NLRP12: variants seen among roughly 807,000 people sequenced by gnomAD.
NLRP12 encodes the protein NLR family pyrin domain containing 12, also known as NACHT, LRR and PYD domains-containing protein 12.
In NLRP12, 108 loss-of-function variants were observed where a neutral mutation model predicts 91.2. That is an observed-to-expected ratio of 1.18 (90% confidence interval 1.01 to 1.39). NLRP12 has a LOEUF of 1.39. Among genes scored for constraint, NLRP12 ranks in the 40% most tolerant of loss-of-function variants. The probability of loss-of-function intolerance (pLI) is 0.00; values close to 1 mark genes in which losing one functional copy is unlikely to be tolerated. For synonymous variants in NLRP12, 613 were observed against 566.7 expected (o/e 1.08, Z -1.16); for missense variants, 1,530 against 1,352.7 (o/e 1.13, Z -2.06).
chr19:53,821,006 T>C (rs1568698788), intron 1 of NLRP12, among the ~76,000 whole-genome samples: 1 of 149,700 alleles, frequency 6.7e-6, no homozygotes, highest in Non-Finnish European at 1.5e-5. Context: ...CTTGAGCTTA[T>C]GCCTGAGTAT....
intron 4 of NLRP12, among the ~76,000 whole-genome samples, chr19:53,806,596 G>C (rs12971444): frequency 0.21 from 30,241 of 143,096 alleles, 3,500 homozygotes; most frequent in African/African-American, 0.33. Context: ...CAGGAGAATC[G>C]CTTGAACCCA....
At chr19:53,798,555 C>G (rs940877078) in intron 7 of NLRP12, 142 bp from the exon 8 acceptor site, 1 of 813,838 alleles carries the variant, frequency 1.2e-6, no homozygotes, top group Non-Finnish European at 2.0e-6. Context: ...AAGAAAAAGA[C>G]GACAGAAGTA....
chr19:53,798,985 AC>A (rs1310561015), intron 7 of NLRP12, among the ~76,000 whole-genome samples: 1 of 144,022 alleles, frequency 6.9e-6, no homozygotes, highest in Non-Finnish European at 1.5e-5. Flanking sequence ...TAGGTGATCC[AC>A]CCGCCTCAGC....
chr19:53,796,308 G>A (rs980610587), intron 8 of NLRP12, among the ~76,000 whole-genome samples: 10 of 152,080 alleles, frequency 6.6e-5, no homozygotes, highest in African/African-American at 2.4e-4. Flanking sequence ...CTGGAGTGCT[G>A]TGGCATGATC....
At chr19:53,803,141 G>A (rs1049269534) in intron 6 of NLRP12, among the ~76,000 whole-genome samples, 3 of 151,924 alleles carry the variant, frequency 2.0e-5, no homozygotes, top group African/African-American at 4.8e-5. Flanking sequence ...GCATGAAGTA[G>A]TTTCACGCTA....
At chr19:53,805,222 ATT>A (rs1464016782) in intron 5 of NLRP12, 56 bp downstream of exon 5, 1 of 1,548,692 alleles carries the variant, frequency 6.5e-7, no homozygotes, top group Non-Finnish European at 8.9e-7. Flanking sequence ...ATTTTGTGAT[ATT>A]TCATGCCCCA....
chr19:53,815,690 C>T (rs1037710527), intron 1 of NLRP12, among the ~76,000 whole-genome samples: 1 of 152,046 alleles, frequency 6.6e-6, no homozygotes, highest in Non-Finnish European at 1.5e-5. Flanking sequence ...CTCACTGCAA[C>T]CTCTGCCTCC....
chr19:53,817,298 C>T (rs573112985), intron 1 of NLRP12, among the ~76,000 whole-genome samples: 14 of 152,134 alleles, frequency 9.2e-5, no homozygotes, highest in African/African-American at 1.2e-4. Flanking sequence ...GGCATGGTGG[C>T]GCGTGCCTGT....
chr19:53,810,610 A>C lies in NLRP12; in HGVS notation c.1049T>G (p.Leu350Arg), dbSNP rs1277169591. Reference sequence around the variant, plus strand: ...CCTGGGGTGCTCCAGCAGACGGTGGAGCTTCTCCAAAGCCGTGGGCCGTGT... The same window carrying C: ...CCTGGGGTGCTCCAGCAGACGGTGGCGCTTCTCCAAAGCCGTGGGCCGTGT... ...ITTRPTALEKLHRLLEHPRHV... is the reference protein window; with the variant it reads ...ITTRPTALEKRHRLLEHPRHV... Residue 350 changes from leucine (L) to arginine (R), a missense_variant, in exon 3 of 10, where the codon CTC (leucine) becomes CGC (arginine). By Grantham distance (102) the Leu-to-Arg change is moderately radical. Transcript: ENST00000324134. 3 of 1,614,024 alleles carry C rather than the reference A, an allele frequency of 1.9e-6. No homozygotes were observed. The highest frequency in any genetic ancestry group is 2.5e-6 in the Non-Finnish European group (3 of 1,179,998).
intron 4 of NLRP12, 37 bp from the exon 5 acceptor site, chr19:53,805,487 C>G: frequency 1.3e-6 from 2 of 1,579,932 alleles, no homozygotes; most frequent in Non-Finnish European, 1.7e-6. Context: ...CTGGTCATTT[C>G]TTTTGCTCCA....
intron 2 of NLRP12, among the ~76,000 whole-genome samples, chr19:53,811,605 G>T (rs561392509): frequency 1.3e-5 from 2 of 149,216 alleles, no homozygotes; most frequent in East Asian, 4.0e-4. Context: ...ATGGAGTCTC[G>T]CTCTGTTGCC....
intron 4 of NLRP12, among the ~76,000 whole-genome samples, chr19:53,806,895 A>G (rs937324204): frequency 1.3e-5 from 2 of 151,292 alleles, no homozygotes; most frequent in Non-Finnish European, 2.9e-5. Context: ...AAAAGAAAAA[A>G]ATTTGGAGAC....
At chr19:53,815,579 G>A (rs1469117255) in intron 1 of NLRP12, among the ~76,000 whole-genome samples, 1 of 150,548 alleles carries the variant, frequency 6.6e-6, no homozygotes, top group Non-Finnish European at 1.5e-5. Flanking sequence ...CTCCTCCCTT[G>A]TCAGCTCTGG....
In NLRP12 at chr19:53,823,830, A is replaced by G. The variant is rs1198562675; in HGVS notation, c.289+56T>C. ...CTCCCAAAGTGCTGAGATTACAGGT[A>G]TGAGTCACTGGACCCGGCTGGCATT... On this transcript the variant is annotated intron_variant, in intron 1 of 9. Coordinates refer to ENST00000324134, the MANE Select transcript of NLRP12 (RefSeq NM_144687.4). 5 of 1,598,354 alleles carry G rather than the reference A, an allele frequency of 3.1e-6. No individual in the cohort carries two copies. In the Admixed American group the frequency reaches 5.0e-5, roughly 16 times the overall value.
intron 7 of NLRP12, among the ~76,000 whole-genome samples, chr19:53,800,875 T>C (rs1451475674): frequency 6.6e-6 from 1 of 152,048 alleles, no homozygotes; most frequent in Non-Finnish European, 1.5e-5. Context: ...TCAGCCACCA[T>C]GCCCGGCCAG....
At chr19:53,794,258 C>G (rs1028227675) in intron 9 of NLRP12, 122 bp from the exon 10 acceptor site, 1 of 770,264 alleles carries the variant, frequency 1.3e-6, no homozygotes, top group Non-Finnish European at 2.3e-6. Flanking sequence ...AAATTCCACC[C>G]AACGCTGCTG....
chr19:53,820,671 C>T (rs2092252375), intron 1 of NLRP12, among the ~76,000 whole-genome samples: 1 of 149,382 alleles, frequency 6.7e-6, no homozygotes, highest in South Asian at 2.1e-4. Context: ...TAGTGAGACC[C>T]TATCTCTAAA....
In NLRP12 at chr19:53,810,522, G is replaced by A. The variant is rs139174111; in HGVS notation, c.1137C>T (p.His379=). The A allele has an allele frequency of 3.3e-5, 53 of 1,614,020 alleles. No individual in the cohort carries two copies. The African/African-American group carries it at 4.9e-4, about 15-fold the overall frequency. Residue 379 remains histidine (H), a synonymous_variant, in exon 3 of 10, where the codon CAC becomes CAT. Coordinates refer to ENST00000324134, the MANE Select transcript of NLRP12 (RefSeq NM_144687.4). ...AGACTTGGCCCGCCTGCTCTGCATT[G>A]TGGAAATACTTGTAGAAGTATTCCT... The part of the protein sequence containing the change: ...ERKEYFYKYF[H]NAEQAGQVFN...
chr19:53,803,886 T>C (rs2091912779), intron 6 of NLRP12, 66 bp downstream of exon 6: 2 of 1,540,158 alleles, frequency 1.3e-6, no homozygotes, highest in Non-Finnish European at 1.8e-6. Flanking sequence ...TGGATGCATT[T>C]TTATACCATC....
Sources: gnomAD v4.1 joint callset for allele counts (sites outside exome capture counted in the v4.1 genomes callset) on GRCh38, gnomAD v4.1.1 for gene constraint, MANE v1.5 for transcripts, NCBI Gene and HGNC (gene_info 2026-07-23, HGNC 2026-07-21) for gene names.